Variants in TMEM143 observed in about 807,000 individuals in gnomAD.
TMEM143 encodes the protein transmembrane protein 143.
A neutral mutation model predicts 40.3 loss-of-function variants in TMEM143; 45 were observed. The observed-to-expected ratio is 1.12, with a 90% CI of 0.88 to 1.43. The LOEUF (loss-of-function observed/expected upper bound fraction) is 1.43. TMEM143 is among the 40% of genes most tolerant of loss of function. The probability of loss-of-function intolerance (pLI) is 0.00; values close to 1 mark genes in which losing one functional copy is unlikely to be tolerated. For missense variants in TMEM143, 620 were observed against 613.4 expected, an observed-to-expected ratio of 1.01 and a Z score of -0.11; for synonymous variants, 299 against 282.7, an observed-to-expected ratio of 1.06 and a Z score of -0.58.
intron 3 of TMEM143, among the ~76,000 whole-genome samples, chr19:48,349,259 T>G (rs1185091904): frequency 6.6e-6 from 1 of 152,090 alleles, no homozygotes. Context: ...GCACATGCTG[T>G]TGGAAGACTC....
chr19:48,359,196 A>G (rs146471409), intron 3 of TMEM143, among the ~76,000 whole-genome samples: 1 of 151,880 alleles, frequency 6.6e-6, no homozygotes, highest in Non-Finnish European at 1.5e-5. Context: ...CAAACAAAAA[A>G]ACAAAGCAAG....
intron 6 of TMEM143, among the ~76,000 whole-genome samples, chr19:48,335,862 C>A (rs956012218): frequency 2.6e-5 from 4 of 151,942 alleles, no homozygotes; most frequent in African/African-American, 9.7e-5. Context: ...CCACTGCACT[C>A]CAGGCTGGGC....
chr19:48,363,531 C>T lies in TMEM143; in HGVS notation c.24G>A (p.Arg8=). 3 of 1,598,216 alleles carry T rather than the reference C, an allele frequency of 1.9e-6. No homozygotes were observed. Among genetic ancestry groups the T allele is most frequent in the East Asian group, 2.2e-5 (1 of 44,602 alleles). ...GCATGGCTAGACCCTTTCCCCGGAGCCTAAACAGAGGAAAATGGGCAGGGG... is the reference window on the plus strand; with the variant it reads ...GCATGGCTAGACCCTTTCCCCGGAGTCTAAACAGAGGAAAATGGGCAGGGG... MTVELWL[R]LRGKGLAMLH... is the part of the protein sequence containing the mutation. The change falls in exon 2 of 8, where the codon AGG becomes AGA. Residue 8 remains arginine (R), a splice_region_variant and synonymous_variant. Coordinates refer to ENST00000293261, the MANE Select transcript of TMEM143 (RefSeq NM_018273.4).
chr19:48,349,768 T>C (rs28380031), intron 3 of TMEM143, among the ~76,000 whole-genome samples: 1,922 of 151,994 alleles, frequency 0.013, 44 homozygotes, highest in African/African-American at 0.044. Flanking sequence ...GGCAGACCTG[T>C]CCATTTATCA....
At chr19:48,353,064 T>C (rs912940211) in intron 3 of TMEM143, among the ~76,000 whole-genome samples, 4 of 152,110 alleles carry the variant, frequency 2.6e-5, no homozygotes, top group African/African-American at 9.7e-5. Context: ...ACTGATGCAA[T>C]TTTTTTCCCA....
intron 4 of TMEM143, among the ~76,000 whole-genome samples, chr19:48,344,402 C>A (rs556271714): frequency 1.3e-5 from 2 of 151,970 alleles, no homozygotes; most frequent in East Asian, 3.9e-4. Context: ...GATCCTCCCA[C>A]CTCAGCCTCC....
chr19:48,342,868 C>T (rs1969534246), intron 5 of TMEM143, 59 bp from the exon 6 acceptor site: 2 of 1,528,576 alleles, frequency 1.3e-6, no homozygotes, highest in Non-Finnish European at 1.8e-6. Flanking sequence ...GGGGAGCCCC[C>T]TCCAATCCTA....
At chr19:48,353,794 A>G (rs950019645) in intron 3 of TMEM143, among the ~76,000 whole-genome samples, 1 of 151,606 alleles carries the variant, frequency 6.6e-6, no homozygotes, top group African/African-American at 2.4e-5. Flanking sequence ...AAGGACACAC[A>G]TAGGACACCG....
Position 48,333,391 on chromosome 19 carries a change from A to G in TMEM143, c.1208T>C (p.Leu403Pro). ...GGTCACCTCACAGCCTGACTTGGCT[A>G]GGAGCCAGTTCTCCACCTCCGACCG... ...WLRSEVENWL[L>P]AKSGCEVTFN... is the part of the protein sequence containing the mutation. Residue 403 changes from leucine (L) to proline (P), a missense_variant, in exon 8 of 8, where the codon CTA (leucine) becomes CCA (proline). Coordinates refer to ENST00000293261, the MANE Select transcript of TMEM143 (RefSeq NM_018273.4). This position sits in a 1 kb window ranked among gnomAD's most constrained non-coding sequence, Gnocchi z 4.1. 6.2e-7 allele frequency: 1 copy of G among 1,607,590 alleles called. No individual in the cohort carries two copies. The highest frequency in any genetic ancestry group is 1.1e-5 in the South Asian group (1 of 90,452).
At chr19:48,334,436 TTCTTTCTTTCTTTC>T (rs1429522816) in intron 6 of TMEM143, among the ~76,000 whole-genome samples, 2 of 48,198 alleles carry the variant, frequency 4.1e-5, no homozygotes, top group Non-Finnish European at 9.1e-5. Flanking sequence ...CTTTCTTTCT[TTCTTTCTTTCTTTC>T]TTTCTTTCTT....
Position 48,363,344 on chromosome 19 carries a change from G to C in TMEM143, c.211C>G (p.Arg71Gly). ...TTGGAGAAGGGAATGAAGCGCTCGC[G>C]GTACTGCTGGGCCCAGTCGCGGGGC... ...REPRDWAQQY[R>G]ERFIPFSKEQ... The change falls in exon 2 of 8, where the codon CGC (arginine) becomes GGC (glycine). Residue 71 changes from arginine to glycine, a missense_variant. Physicochemically the swap from Arg to Gly is moderately radical, Grantham distance 125 (BLOSUM62 -2). Coordinates refer to ENST00000293261, the MANE Select transcript of TMEM143 (RefSeq NM_018273.4). The C allele has an allele frequency of 1.9e-6, 3 of 1,614,224 alleles. No homozygotes were observed. The highest frequency in any genetic ancestry group is 2.5e-6 in the Non-Finnish European group (3 of 1,180,030).
At chr19:48,358,682 G>A (rs1013050616) in intron 3 of TMEM143, among the ~76,000 whole-genome samples, 6 of 152,192 alleles carry the variant, frequency 3.9e-5, no homozygotes, top group Admixed American at 6.5e-5. Context: ...CATTTCCATC[G>A]CTATTACCCT....
chr19:48,334,226 C>T (rs1317709608), intron 6 of TMEM143, 29 bp from the exon 7 acceptor site: 13 of 1,563,594 alleles, frequency 8.3e-6, no homozygotes, highest in Non-Finnish European at 1.1e-5. Context: ...CCCGTGGGCT[C>T]AGTTCGGGGT....
chr19:48,345,221 G>C lies in TMEM143; in HGVS notation c.503C>G (p.Pro168Arg), dbSNP rs201136034. 6.2e-7 allele frequency: 1 copy of C among 1,613,566 alleles called. No homozygotes were observed. Among genetic ancestry groups the C allele is most frequent in the Non-Finnish European group, 8.5e-7 (1 of 1,179,746 alleles). ...GTAGGCCAGGGTGTCCTCAGACAGC[G>C]GGGAGAAGTTGGCCTGGGCCAGCAG... ...EPLLAQANFSPLSEDTLAYAL... is the reference protein window; with the variant it reads ...EPLLAQANFSRLSEDTLAYAL... The change falls in exon 4 of 8, where the codon CCG becomes CGG. Residue 168 changes from proline (P) to arginine (R), a missense_variant. By Grantham distance (103) the Pro-to-Arg change is moderately radical. Coordinates refer to ENST00000293261, the MANE Select transcript of TMEM143 (RefSeq NM_018273.4).
Position 48,333,313 on chromosome 19 carries a change from C to A in TMEM143, c.1286G>T (p.Gly429Val). The A allele has an allele frequency of 6.2e-7, 1 of 1,605,676 alleles. No individual in the cohort carries two copies. ...AHLQALTPSM[G>V]LYPPPGFPKL... The stretch of plus-strand genomic sequence containing the variant: ...GGGGAAACCCGGGGGTGGGTACAAT[C>A]CCATGCTGGGGGTCAGGGCCTGCAG... The change falls in exon 8 of 8, where the codon GGA (glycine) becomes GTA (valine). Residue 429 changes from glycine to valine, a missense_variant. Physicochemically the swap from Gly to Val is moderately radical, Grantham distance 109. Coordinates refer to ENST00000293261, the MANE Select transcript of TMEM143 (RefSeq NM_018273.4). The surrounding 1 kb of genome is among the most constrained non-coding windows in gnomAD (Gnocchi z 4.1).
At chr19:48,355,573 C>G (rs555036041) in intron 3 of TMEM143, among the ~76,000 whole-genome samples, 1 of 152,092 alleles carries the variant, frequency 6.6e-6, no homozygotes, top group Non-Finnish European at 1.5e-5. Flanking sequence ...ACACAGCAAG[C>G]GCTCAGCAAC....
intron 6 of TMEM143, among the ~76,000 whole-genome samples, chr19:48,339,898 T>G (rs1275574724): frequency 6.6e-6 from 1 of 151,452 alleles, no homozygotes; most frequent in Non-Finnish European, 1.5e-5. Context: ...CTGGCTAATT[T>G]TTGTATTTTT....
chr19:48,346,236 C>A (rs1359469590), intron 3 of TMEM143, among the ~76,000 whole-genome samples: 3 of 151,514 alleles, frequency 2.0e-5, no homozygotes, highest in African/African-American at 7.3e-5. Flanking sequence ...GGATTACAGA[C>A]ACATGCCACC....
chr19:48,363,426 G>A lies in TMEM143; in HGVS notation c.129C>T (p.Ala43=). ...CCATTTTGGCTGCCAGCGATGAGAG[G>A]GCCCGGGGGGGCCCGAGGAGCGCGG... ...LLPALLGPPR[A]LSSLAAKMGE... Residue 43 remains alanine, a synonymous_variant, in exon 2 of 8, where the codon GCC becomes GCT. Transcript: ENST00000293261. 6.2e-7 allele frequency: 1 copy of A among 1,613,972 alleles called. No individual in the cohort carries two copies. The highest frequency in any genetic ancestry group is 8.5e-7 in the Non-Finnish European group (1 of 1,179,988).
Sources: gnomAD v4.1 joint callset for allele counts (sites outside exome capture counted in the v4.1 genomes callset) on GRCh38, gnomAD v4.1.1 for gene constraint, Gnocchi (gnomAD v3.1) non-coding constraint, MANE v1.5 for transcripts, NCBI Gene and HGNC (gene_info 2026-07-23, HGNC 2026-07-21) for gene names.